The following SEMA3A variants were observed in gnomAD, a reference collection of about 807,000 sequenced individuals.
SEMA3A encodes the protein semaphorin 3A.
A neutral mutation model predicts 97.9 loss-of-function variants in SEMA3A; 29 were observed. That is an observed-to-expected ratio of 0.30 (90% CI 0.22 to 0.40). The LOEUF (loss-of-function observed/expected upper bound fraction) is 0.40, where lower values mean the gene tolerates loss of function less well. Ranked by LOEUF, SEMA3A falls within the 10% of genes least tolerant of loss-of-function variation. SEMA3A has a pLI of 1.00. For synonymous variants in SEMA3A, 321 were observed against 323.7 expected, an observed-to-expected ratio of 0.99 and a Z score of 0.09; for missense variants, 763 against 951.3, an observed-to-expected ratio of 0.80 and a Z score of 2.60.
intron 3 of SEMA3A, among the ~76,000 whole-genome samples, chr7:84,277,275 T>C (rs1161928747): frequency 1.3e-5 from 2 of 151,874 alleles, no homozygotes; most frequent in African/African-American, 4.8e-5. Flanking sequence ...AAATTGGGAG[T>C]ATTGGTATGA....
At chr7:84,066,703 C>A (rs1793516234) in intron 4 of SEMA3A, among the ~76,000 whole-genome samples, 1 of 151,578 alleles carries the variant, frequency 6.6e-6, no homozygotes, top group East Asian at 1.9e-4. Context: ...ACCTAGGAAT[C>A]CAACTTACAA....
At chr7:84,275,806 G>T (rs865943881) in intron 3 of SEMA3A, among the ~76,000 whole-genome samples, 6 of 151,886 alleles carry the variant, frequency 4.0e-5, no homozygotes, top group African/African-American at 1.5e-4. Flanking sequence ...GGCAAAAAAG[G>T]AATGTAAAAT....
chr7:84,345,717 CTTCTAA>C (rs1344268662), intron 2 of SEMA3A, among the ~76,000 whole-genome samples: 1 of 152,184 alleles, frequency 6.6e-6, no homozygotes, highest in Non-Finnish European at 1.5e-5. Context: ...TCAGGCTCTA[CTTCTAA>C]TTCTACTTCT....
chr7:84,176,321 T>G (rs920008219), intron 1 of SEMA3A, among the ~76,000 whole-genome samples: 3 of 152,162 alleles, frequency 2.0e-5, no homozygotes, highest in Non-Finnish European at 4.4e-5. Context: ...AAAATTAGTA[T>G]CCAGACTGGA....
At chr7:84,257,510 T>C (rs1211878343) in intron 3 of SEMA3A, among the ~76,000 whole-genome samples, 1 of 152,158 alleles carries the variant, frequency 6.6e-6, no homozygotes, top group African/African-American at 2.4e-5. Flanking sequence ...ACATTTAAAG[T>C]ATTAAGATGC....
At chr7:84,062,553 T>A (rs969035007) in intron 4 of SEMA3A, among the ~76,000 whole-genome samples, 1 of 152,166 alleles carries the variant, frequency 6.6e-6, no homozygotes, top group African/African-American at 2.4e-5. Context: ...CATAGGTCAG[T>A]GGGTGCGCGC....
rs1211794166 is a variant in SEMA3A at position 84,095,358 on chromosome 7, C to CACACACATATATATATATATATATATAT, written c.453+15111_453+15112insATATATATATATATATATATATGTGTGT. 3.6e-4 allele frequency among the ~76,000 whole-genome samples: 44 copies of CACACACATATATATATATATATATATAT among 122,870 alleles called. 1 individual carries two copies. The highest frequency in any genetic ancestry group is 1.5e-3 in the African/African-American group (44 of 28,990). 80.6% of individuals were successfully genotyped at this position (122,870 alleles called of 152,430 possible). On this transcript the variant is annotated intron_variant, in intron 4 of 16. Coordinates refer to ENST00000265362, the MANE Select transcript of SEMA3A (RefSeq NM_006080.3). ...ATATATATTTTATATTTTTTATATA[C>CACACACATATATATATATATATATATAT]ATATATATATATATATATATATATA... is the stretch of plus-strand genomic sequence containing the variant.
intron 1 of SEMA3A, among the ~76,000 whole-genome samples, chr7:84,414,734 CA>C (rs896252681): frequency 8.0e-5 from 12 of 150,818 alleles, no homozygotes; most frequent in Middle Eastern, 3.5e-3. Context: ...TCATGAAAAA[CA>C]AAAAAAAGGC....
intron 1 of SEMA3A, among the ~76,000 whole-genome samples, chr7:84,153,267 A>C (rs558587717): frequency 6.6e-6 from 1 of 152,288 alleles, no homozygotes; most frequent in East Asian, 1.9e-4. Flanking sequence ...AACAGACTTG[A>C]AATTAAAAGA....
intron 6 of SEMA3A, among the ~76,000 whole-genome samples, chr7:84,045,091 C>T (rs1432145043): frequency 6.6e-6 from 1 of 151,910 alleles, no homozygotes; most frequent in Admixed American, 6.6e-5. Context: ...TCACACAACT[C>T]ATGGTCTCCT....
At chr7:84,367,622 G>A (rs1469691655) in intron 2 of SEMA3A, among the ~76,000 whole-genome samples, 1 of 150,762 alleles carries the variant, frequency 6.6e-6, no homozygotes, top group Non-Finnish European at 1.5e-5. Flanking sequence ...CTTAACAAGA[G>A]CCTAAGATTT....
intron 3 of SEMA3A, among the ~76,000 whole-genome samples, chr7:84,302,320 T>C (rs373561070): frequency 5.9e-5 from 9 of 152,294 alleles, no homozygotes; most frequent in Admixed American, 1.3e-4. Context: ...ATACACTTCA[T>C]TAAAACTCAA....
chr7:84,130,863 T>C (rs940845986), intron 2 of SEMA3A, among the ~76,000 whole-genome samples: 1 of 152,044 alleles, frequency 6.6e-6, no homozygotes, highest in Non-Finnish European at 1.5e-5. Context: ...TGTTAAAACA[T>C]ATATATGTTT....
chr7:84,329,048 G>A (rs1035691778), intron 2 of SEMA3A, among the ~76,000 whole-genome samples: 3 of 151,820 alleles, frequency 2.0e-5, no homozygotes, highest in Non-Finnish European at 4.4e-5. Context: ...GTATACATGT[G>A]CCATGGTGGT....
rs1489365929 is a variant in SEMA3A, at chr7:84,385,154, A to AG, written c.-245-13255dup. Among the ~76,000 whole-genome samples, 3 of 152,226 alleles carry AG rather than the reference A, an allele frequency of 2.0e-5. No individual in the cohort carries two copies. The East Asian group carries it at 5.8e-4, about 29-fold the overall frequency. On this transcript the variant is annotated intron_variant, in intron 1 of 3. Coordinates refer to the SEMA3A transcript ENST00000424555. ...GAACAGATACCATTAGAAAAGGGGAAGAGTGAGAGGCATGTAGAAGTCACT... is the reference window on the plus strand; with the variant it reads ...GAACAGATACCATTAGAAAAGGGGAAGGAGTGAGAGGCATGTAGAAGTCACT...
intron 1 of SEMA3A, among the ~76,000 whole-genome samples, chr7:84,451,264 T>A (rs768837222): frequency 2.0e-5 from 3 of 152,172 alleles, no homozygotes; most frequent in Non-Finnish European, 4.4e-5. Context: ...AGAAAAAAAA[T>A]GTGTACACAT....
chr7:84,060,369 AT>A (rs2115683130), intron 5 of SEMA3A, 95 bp downstream of exon 5: 1 of 781,786 alleles, frequency 1.3e-6, no homozygotes, highest in Non-Finnish European at 2.1e-6. Flanking sequence ...AACAATTATT[AT>A]TTCATAATGG....
At chr7:84,164,683 C>A (rs1797145866) in intron 1 of SEMA3A, among the ~76,000 whole-genome samples, 1 of 152,042 alleles carries the variant, frequency 6.6e-6, no homozygotes, top group Non-Finnish European at 1.5e-5. Flanking sequence ...GTATAAATTG[C>A]ATGTAGTAAA....
intron 1 of SEMA3A, among the ~76,000 whole-genome samples, chr7:84,143,981 AC>A (rs1796391443): frequency 6.7e-6 from 1 of 149,876 alleles, no homozygotes; most frequent in African/African-American, 2.5e-5. Flanking sequence ...ACACACACAC[AC>A]ACACACACAC....
Sources: allele counts gnomAD v4.1 joint callset (sites outside exome capture counted in the v4.1 genomes callset), GRCh38; gene constraint gnomAD v4.1.1; transcripts MANE v1.5; gene names NCBI Gene and HGNC (gene_info 2026-07-23, HGNC 2026-07-21).